CORIN: variants seen among roughly 807,000 people sequenced by gnomAD.
CORIN encodes the protein corin, serine peptidase, also known as atrial natriuretic peptide-converting enzyme.
CORIN carries 117 observed loss-of-function variants against 125.3 expected under a neutral mutation model. That is an observed-to-expected ratio of 0.93 (90% CI 0.80 to 1.09). CORIN has a LOEUF of 1.09. CORIN is among the 50% of genes least tolerant of loss of function. The pLI is 0.00. For synonymous variants in CORIN, 450 were observed against 466.4 expected (o/e 0.96, Z 0.45); for missense variants, 1,253 against 1,306.7 (o/e 0.96, Z 0.63).
intron 5 of CORIN, among the ~76,000 whole-genome samples, chr4:47,720,590 T>A (rs1416281876): frequency 6.6e-6 from 1 of 152,210 alleles, no homozygotes; most frequent in South Asian, 2.1e-4. Flanking sequence ...CATGTGCTAT[T>A]TTTATATACA....
At chr4:47,710,074 C>T (rs1034095296) in intron 5 of CORIN, among the ~76,000 whole-genome samples, 1 of 152,166 alleles carries the variant, frequency 6.6e-6, no homozygotes, top group Non-Finnish European at 1.5e-5. Context: ...TATTCAATGA[C>T]ATTTTGATGT....
At chr4:47,781,156 C>T (rs945497663) in intron 3 of CORIN, among the ~76,000 whole-genome samples, 2 of 151,824 alleles carry the variant, frequency 1.3e-5, no homozygotes, top group Non-Finnish European at 2.9e-5. Flanking sequence ...TTAAAAAAAC[C>T]ATAATCCAAC....
At chr4:47,736,009 T>C (rs1728118141) in intron 5 of CORIN, among the ~76,000 whole-genome samples, 1 of 151,712 alleles carries the variant, frequency 6.6e-6, no homozygotes, top group African/African-American at 2.4e-5. Context: ...AACTGATATG[T>C]TTTGAGCAAC....
At chr4:47,746,095 T>C (rs1240254553) in intron 4 of CORIN, among the ~76,000 whole-genome samples, 1 of 152,198 alleles carries the variant, frequency 6.6e-6, no homozygotes, top group Admixed American at 6.5e-5. Flanking sequence ...ACCCGAAATA[T>C]ATTAGATATT....
At chr4:47,729,874 G>T (rs1577869931) in intron 5 of CORIN, among the ~76,000 whole-genome samples, 1 of 152,120 alleles carries the variant, frequency 6.6e-6, no homozygotes, top group Admixed American at 6.5e-5. Context: ...GAAGAGAGAG[G>T]TTCGGCCACA....
intron 4 of CORIN, among the ~76,000 whole-genome samples, chr4:47,755,923 AGTTCATTT>A (rs1729118897): frequency 1.3e-5 from 2 of 152,212 alleles, no homozygotes; most frequent in African/African-American, 4.8e-5. Context: ...CTGATTGAAG[AGTTCATTT>A]ATTCCTTTAC....
intron 5 of CORIN, among the ~76,000 whole-genome samples, chr4:47,728,487 G>C (rs1247275966): frequency 5.3e-5 from 8 of 152,166 alleles, no homozygotes; most frequent in African/African-American, 1.2e-4. Context: ...AATTGACCAT[G>C]ATGGGGCGTA....
chr4:47,671,510 T>C (rs1692300450), intron 10 of CORIN, among the ~76,000 whole-genome samples: 1 of 152,360 alleles, frequency 6.6e-6, no homozygotes, highest in Non-Finnish European at 1.5e-5. Flanking sequence ...ATATATCATC[T>C]TGAAGTTCTT....
chr4:47,744,667 T>C (rs1248474572), intron 4 of CORIN, 84 bp from the exon 5 acceptor site: 22 of 1,275,210 alleles, frequency 1.7e-5, no homozygotes, highest in Non-Finnish European at 2.4e-5. Flanking sequence ...AGTTAGCCCC[T>C]GTGTTGTGAT....
At chr4:47,764,648 T>C (rs956958984) in intron 3 of CORIN, among the ~76,000 whole-genome samples, 11 of 152,192 alleles carry the variant, frequency 7.2e-5, no homozygotes, top group Non-Finnish European at 1.3e-4. Flanking sequence ...AGCCATTATG[T>C]AGAAATTTCA....
At chr4:47,797,022 G>A (rs1253656733) in intron 2 of CORIN, among the ~76,000 whole-genome samples, 2 of 151,858 alleles carry the variant, frequency 1.3e-5, no homozygotes, top group Non-Finnish European at 2.9e-5. Flanking sequence ...GAGTCCCTGA[G>A]GGTAGGCTTT....
At chr4:47,730,403 G>A (rs1481169456) in intron 5 of CORIN, among the ~76,000 whole-genome samples, 1 of 150,364 alleles carries the variant, frequency 6.7e-6, no homozygotes, top group Admixed American at 6.7e-5. Context: ...AACCCGGAAG[G>A]CAGAGGTTGC....
chr4:47,623,117 T>TATATATATATAC (rs141525347), intron 19 of CORIN, among the ~76,000 whole-genome samples: 52 of 134,528 alleles, frequency 3.9e-4, no homozygotes, highest in African/African-American at 1.4e-3. Context: ...TATATATATA[T>TATATATATATAC]ACACACACAC....
rs780011586 is a variant in CORIN, at chr4:47,786,915, T to C, written c.219A>G (p.Gln73=). The C allele has an allele frequency of 4.3e-6, 7 of 1,610,532 alleles. No individual in the cohort carries two copies. The highest frequency in any genetic ancestry group is 1.6e-4 in the Middle Eastern group (1 of 6,066). The part of the protein sequence containing the change: ...VILLSYVGTL[Q]KVYFKSNGSE... ...TCCCATTTGATTTAAAATAGACCTTTTGTAATGTTCCTGAAAGACAAAAAC... is the reference window on the plus strand; with the variant it reads ...TCCCATTTGATTTAAAATAGACCTTCTGTAATGTTCCTGAAAGACAAAAAC... Residue 73 remains glutamine (Q), a synonymous_variant, in exon 3 of 22, where the codon CAA becomes CAG. Coordinates refer to ENST00000273857, the MANE Select transcript of CORIN (RefSeq NM_006587.4).
At chr4:47,815,160 C>A (rs923717718) in intron 1 of CORIN, among the ~76,000 whole-genome samples, 1 of 152,124 alleles carries the variant, frequency 6.6e-6, no homozygotes, top group South Asian at 2.1e-4. Context: ...AAGTCATCTT[C>A]CATTCTTAAC....
At chr4:47,707,039 T>C in intron 5 of CORIN, 1 of 1,457,526 alleles carries the variant, frequency 6.9e-7, no homozygotes, top group Admixed American at 2.5e-5. Context: ...AGGACAGTCA[T>C]GTCTGCTTAC....
chr4:47,756,442 C>T (rs952380798), intron 4 of CORIN, among the ~76,000 whole-genome samples: 1 of 152,156 alleles, frequency 6.6e-6, no homozygotes, highest in East Asian at 1.9e-4. Flanking sequence ...CTTCAGTGAA[C>T]ACACATAATA....
intron 5 of CORIN, among the ~76,000 whole-genome samples, chr4:47,743,634 C>A (rs939660053): frequency 6.6e-6 from 1 of 152,198 alleles, no homozygotes; most frequent in Non-Finnish European, 1.5e-5. Flanking sequence ...TGTCTGTAAT[C>A]CAAACACTTT....
rs755588946 is a variant in CORIN at position 47,665,051 on chromosome 4, C to T, written c.1570G>A (p.Glu524Lys). Residue 524 changes from glutamate (E) to lysine (K), a missense_variant, in exon 11 of 22, where the codon GAG becomes AAG. Coordinates refer to ENST00000273857, the MANE Select transcript of CORIN (RefSeq NM_006587.4). Reference protein sequence around the residue: ...LVPKCDVNTGEHIPPCRALCE... With the variant: ...LVPKCDVNTGKHIPPCRALCE... ...TATTACCTGCAAGGAGGGATATGCT[C>T]GCCTGTATTCACATCACATTTTGGT... is the stretch of plus-strand genomic sequence containing the variant. The T allele has an allele frequency of 8.7e-6, 14 of 1,610,032 alleles. No individual in the cohort carries two copies. The highest frequency in any genetic ancestry group is 1.1e-5 in the South Asian group (1 of 90,978).
Sources: allele counts gnomAD v4.1 joint callset (sites outside exome capture counted in the v4.1 genomes callset), GRCh38; gene constraint gnomAD v4.1.1; transcripts MANE v1.5; gene names NCBI Gene and HGNC (gene_info 2026-07-23, HGNC 2026-07-21).